RAB3C: variants seen among roughly 807,000 people sequenced by gnomAD.
RAB3C encodes ras-related protein Rab-3C.
Under a neutral mutation model 26.4 loss-of-function variants are expected in RAB3C, and 17 were observed. That is an observed-to-expected ratio of 0.64 (90% confidence interval 0.44 to 0.97). RAB3C has a LOEUF of 0.97. Among genes scored for constraint, RAB3C ranks in the 50% least tolerant of loss-of-function variants. The pLI, the probability that RAB3C is intolerant of heterozygous loss-of-function variation, is 0.00. For missense variants in RAB3C, 242 were observed against 281.9 expected, an observed-to-expected ratio of 0.86 and a Z score of 1.01; for synonymous variants, 91 against 95.9, an observed-to-expected ratio of 0.95 and a Z score of 0.30.
At position 58,854,134 on chromosome 5, in the gene RAB3C, G is replaced by A. The variant is rs1744180412; in HGVS notation, c.*2783G>A. 1 of 150,436 alleles carries A rather than the reference G, an allele frequency of 6.6e-6. No homozygotes were observed. The highest frequency in any genetic ancestry group is 2.5e-5 in the African/African-American group (1 of 40,632). The allele number at this position is 150,436 out of a possible 1,614,324, so 9.3% of individuals were successfully genotyped here. ...ATAAATGCAGGTCATTTTTATCAAT[G>A]GCCTAACTAAATTTATATTTAAAAG... is the stretch of plus-strand genomic sequence containing the variant. On this transcript the variant is annotated 3_prime_UTR_variant, in exon 5 of 5. Transcript: ENST00000282878.
At chr5:58,776,010 T>A (rs1384311644) in intron 3 of RAB3C, among the ~76,000 whole-genome samples, 2 of 152,060 alleles carry the variant, frequency 1.3e-5, no homozygotes, top group African/African-American at 4.8e-5. Flanking sequence ...TTTTGGCCCA[T>A]CACTCCCTGG....
At chr5:58,711,310 T>G (rs1749055994) in intron 2 of RAB3C, among the ~76,000 whole-genome samples, 1 of 152,188 alleles carries the variant, frequency 6.6e-6, no homozygotes, top group Non-Finnish European at 1.5e-5. Flanking sequence ...CTCGCTTCGA[T>G]TTTTTACTCA....
At position 58,631,101 on chromosome 5, in the gene RAB3C, C is replaced by T. The variant is rs946553774; in HGVS notation, c.252+13231C>T. 2.0e-5 allele frequency among the ~76,000 whole-genome samples: 3 copies of T among 152,188 alleles called. No homozygotes were observed. In the South Asian group the frequency reaches 6.2e-4, roughly 32 times the overall value. ...GAATGAGTAAATGAAAACACAAATA[C>T]ACACCCTTTATACCAGTTATTTTCA... On this transcript the variant is annotated intron_variant, in intron 2 of 4. Coordinates refer to ENST00000282878, the MANE Select transcript of RAB3C (RefSeq NM_138453.4).
chr5:58,736,441 A>T (rs766578816), intron 3 of RAB3C, among the ~76,000 whole-genome samples: 2 of 152,186 alleles, frequency 1.3e-5, no homozygotes, highest in Non-Finnish European at 2.9e-5. Context: ...AGCTCCCATA[A>T]AACGAATTCC....
intron 2 of RAB3C, among the ~76,000 whole-genome samples, chr5:58,686,465 C>A (rs1247427087): frequency 1.3e-5 from 2 of 151,980 alleles, no homozygotes; most frequent in East Asian, 3.8e-4. Flanking sequence ...TCACTTTATT[C>A]CAGATTTCCT....
At chr5:58,723,729 G>A (rs902262551) in intron 2 of RAB3C, among the ~76,000 whole-genome samples, 3 of 151,794 alleles carry the variant, frequency 2.0e-5, no homozygotes, top group African/African-American at 4.8e-5. Flanking sequence ...TGTGCAACAT[G>A]TTAGTTTTGC....
chr5:58,613,801 C>A (rs1039936809), intron 1 of RAB3C, among the ~76,000 whole-genome samples: 1 of 151,996 alleles, frequency 6.6e-6, no homozygotes, highest in African/African-American at 2.4e-5. Flanking sequence ...CAGTTTTAAC[C>A]TAGCAGGATG....
chr5:58,726,819 C>T (rs547345706), intron 3 of RAB3C, among the ~76,000 whole-genome samples: 6 of 152,032 alleles, frequency 3.9e-5, no homozygotes, highest in Non-Finnish European at 4.4e-5. Flanking sequence ...GGGGGTTATT[C>T]CTACGGCTAC....
intron 1 of RAB3C, among the ~76,000 whole-genome samples, chr5:58,590,776 C>A (rs895577743): frequency 2.0e-5 from 3 of 152,126 alleles, no homozygotes; most frequent in African/African-American, 7.2e-5. Flanking sequence ...AACTCCTGGC[C>A]TCAAGTGATC....
intron 2 of RAB3C, among the ~76,000 whole-genome samples, chr5:58,643,908 G>A (rs1369077765): frequency 2.0e-5 from 3 of 152,048 alleles, no homozygotes; most frequent in East Asian, 1.9e-4. Flanking sequence ...TGCAACCTCC[G>A]CCTCCTGGGT....
intron 3 of RAB3C, among the ~76,000 whole-genome samples, chr5:58,761,424 G>A (rs1007638657): frequency 1.3e-5 from 2 of 151,746 alleles, no homozygotes; most frequent in Non-Finnish European, 2.9e-5. Flanking sequence ...AATTTAATTT[G>A]GGGGTAACAA....
chr5:58,747,789 T>C (rs562447573), intron 3 of RAB3C, among the ~76,000 whole-genome samples: 1 of 151,770 alleles, frequency 6.6e-6, no homozygotes, highest in South Asian at 2.1e-4. Context: ...CAATATTTAT[T>C]TTCCATAACA....
Position 58,692,883 on chromosome 5 carries a change from G to C in RAB3C, c.253-33119G>C, listed in dbSNP as rs1412157047. ...AGCACTTTGGGAGGCCGAGGTGGGT[G>C]GATCACCTGAGGTTGGGAGTTTGAG... On this transcript the variant is annotated intron_variant, in intron 2 of 4. Transcript: ENST00000282878. Among the ~76,000 whole-genome samples the C allele has an allele frequency of 3.9e-5, 6 of 152,116 alleles. No individual in the cohort carries two copies. The East Asian group carries it at 1.2e-3, about 30-fold the overall frequency.
chr5:58,726,172 CTCTG>C, intron 3 of RAB3C, 52 bp downstream of exon 3: 1 of 916,102 alleles, frequency 1.1e-6, no homozygotes, highest in Non-Finnish European at 1.7e-6. Flanking sequence ...CTCCGGTCAA[CTCTG>C]TCTTTCTTCC....
intron 1 of RAB3C, among the ~76,000 whole-genome samples, chr5:58,596,046 G>A (rs2111667730): frequency 6.6e-6 from 1 of 152,116 alleles, no homozygotes; most frequent in Admixed American, 6.6e-5. Context: ...AGGGATGTGG[G>A]GTTTGGACTT....
intron 3 of RAB3C, among the ~76,000 whole-genome samples, chr5:58,779,976 G>C (rs370696934): frequency 6.6e-6 from 1 of 152,100 alleles, no homozygotes; most frequent in Non-Finnish European, 1.5e-5. Flanking sequence ...GAGATGCTGT[G>C]GAAAAATGGA....
intron 2 of RAB3C, among the ~76,000 whole-genome samples, chr5:58,712,790 G>C (rs1749089991): frequency 6.6e-6 from 1 of 152,188 alleles, no homozygotes; most frequent in Non-Finnish European, 1.5e-5. Flanking sequence ...CTCCCAAAGT[G>C]CTGGGATTAT....
At chr5:58,711,610 G>T (rs979414617) in intron 2 of RAB3C, among the ~76,000 whole-genome samples, 5 of 152,110 alleles carry the variant, frequency 3.3e-5, no homozygotes, top group Non-Finnish European at 5.9e-5. Flanking sequence ...CACCTAGTAT[G>T]CACAAGAAGC....
chr5:58,832,822 T>C (rs1194974298), intron 4 of RAB3C, among the ~76,000 whole-genome samples: 1 of 152,184 alleles, frequency 6.6e-6, no homozygotes, highest in Admixed American at 6.5e-5. Flanking sequence ...TCATATATCA[T>C]GGAGAACCTT....
Sources: gnomAD v4.1 joint callset for allele counts (sites outside exome capture counted in the v4.1 genomes callset) on GRCh38, gnomAD v4.1.1 for gene constraint, MANE v1.5 for transcripts, NCBI Gene and HGNC (gene_info 2026-07-23, HGNC 2026-07-21) for gene names.